DSP: variants seen among roughly 807,000 people sequenced by gnomAD.
The protein encoded by DSP is desmoplakin.
A neutral mutation model predicts 290.6 loss-of-function variants in DSP; 114 were observed. The observed-to-expected ratio is 0.39, with a 90% CI of 0.34 to 0.46. The LOEUF (loss-of-function observed/expected upper bound fraction) is 0.46. DSP is among the 20% of genes least tolerant of loss of function. The probability of loss-of-function intolerance (pLI) is 0.99; values close to 1 mark genes in which losing one functional copy is unlikely to be tolerated. For missense variants in DSP, 3,230 were observed against 3,495.8 expected, an observed-to-expected ratio of 0.92 and a Z score of 1.92; for synonymous variants, 1,311 against 1,316.4, an observed-to-expected ratio of 1.00 and a Z score of 0.09.
In DSP at chr6:7,584,213, G is replaced by C; in HGVS notation, c.6951G>C (p.Lys2317Asn). The C allele has an allele frequency of 6.2e-7, 1 of 1,614,184 alleles. No homozygotes were observed. Among genetic ancestry groups the C allele is most frequent in the Non-Finnish European group, 8.5e-7 (1 of 1,180,034 alleles). ...GGTTACCAGTGGAGGAAGCCTACAAGAGAGGTCTGGTGGGCATTGAGTTCA... is the reference window on the plus strand; with the variant it reads ...GGTTACCAGTGGAGGAAGCCTACAACAGAGGTCTGGTGGGCATTGAGTTCA... ...NLRLPVEEAY[K>N]RGLVGIEFKE... The change falls in exon 24 of 24, where the codon AAG (lysine) becomes AAC (asparagine). Residue 2317 changes from lysine to asparagine, a missense_variant. Physicochemically the swap from Lys to Asn is moderately conservative, Grantham distance 94. Around this residue, in one of 5 missense-constraint regions of DSP, gnomAD observed 207 missense variants for 281.2 expected, o/e 0.74. Coordinates refer to ENST00000379802, the MANE Select transcript of DSP (RefSeq NM_004415.4). The surrounding 1 kb of genome is among the most constrained non-coding windows in gnomAD (Gnocchi z 6.4).
In DSP at chr6:7,559,088, A is replaced by G. The variant is rs1581793676; in HGVS notation, c.423-138A>G. 5 of 968,446 alleles carry G rather than the reference A, an allele frequency of 5.2e-6. No homozygotes were observed. In the East Asian group the frequency reaches 1.3e-4, roughly 26 times the overall value. 60.0% of individuals were successfully genotyped at this position (968,446 alleles called of 1,614,324 possible). ...TTAAGACTTAAGTCCTGGGGTAAAGAAAAAAAAATCTTCAAATACCATAAA... is the reference window on the plus strand; with the variant it reads ...TTAAGACTTAAGTCCTGGGGTAAAGGAAAAAAAATCTTCAAATACCATAAA... On this transcript the variant is annotated intron_variant, in intron 3 of 23. Coordinates refer to ENST00000379802, the MANE Select transcript of DSP (RefSeq NM_004415.4).
rs1168007543 is a variant in DSP at position 7,584,860 on chromosome 6, C to G, written c.7598C>G (p.Ala2533Gly). Reference sequence around the variant, plus strand: ...GGCAGTCAGTATGATATTCAAGATGCTATTGACAAGGGCCTTGTTGACAGG... The same window carrying G: ...GGCAGTCAGTATGATATTCAAGATGGTATTGACAAGGGCCTTGTTGACAGG... Reference protein sequence around the residue: ...KTGSQYDIQDAIDKGLVDRKF... With the variant: ...KTGSQYDIQDGIDKGLVDRKF... Residue 2533 changes from alanine to glycine, a missense_variant, in exon 24 of 24, where the codon GCT becomes GGT. By Grantham distance (60) the Ala-to-Gly change is moderately conservative. Around this residue, in one of 5 missense-constraint regions of DSP, gnomAD observed 582 missense variants for 555.4 expected, o/e 1.05. Coordinates refer to ENST00000379802, the MANE Select transcript of DSP (RefSeq NM_004415.4). This position sits in a 1 kb window ranked among gnomAD's most constrained non-coding sequence, Gnocchi z 6.4. 1.9e-6 allele frequency: 3 copies of G among 1,614,172 alleles called. No individual in the cohort carries two copies. Among genetic ancestry groups the G allele is most frequent in the Non-Finnish European group, 2.5e-6 (3 of 1,180,026 alleles).
intron 1 of DSP, among the ~76,000 whole-genome samples, chr6:7,549,300 C>A (rs934106649): frequency 1.3e-5 from 2 of 152,128 alleles, no homozygotes; most frequent in African/African-American, 4.8e-5. Flanking sequence ...CAGGCATGCG[C>A]CACCACGCCA....
intron 14 of DSP, 111 bp downstream of exon 14, chr6:7,571,695 G>A: frequency 1.3e-6 from 2 of 1,495,904 alleles, no homozygotes; most frequent in East Asian, 2.3e-5. Flanking sequence ...TATATAGCCA[G>A]TGTTCTTCGT....
At chr6:7,564,087 T>G (rs1048958020) in intron 6 of DSP, among the ~76,000 whole-genome samples, 1 of 152,250 alleles carries the variant, frequency 6.6e-6, no homozygotes, top group African/African-American at 2.4e-5. Context: ...CGTGAGCCAC[T>G]GCGCCCGGCC....
At chr6:7,551,738 A>C (rs577844130) in intron 1 of DSP, among the ~76,000 whole-genome samples, 8 of 152,198 alleles carry the variant, frequency 5.3e-5, no homozygotes, top group African/African-American at 1.9e-4. Context: ...GACTGACCCG[A>C]TGGGTCGAAA....
In DSP at chr6:7,580,380, A is replaced by G. The variant is rs749308454; in HGVS notation, c.4190A>G (p.Asn1397Ser). The part of the protein sequence containing the change: ...DTSGYRAQID[N>S]LTRENRSLSE... ...AGTGGCTACCGGGCTCAGATAGACAATCTCACCCGAGAAAACAGGAGCTTA... is the reference window on the plus strand; with the variant it reads ...AGTGGCTACCGGGCTCAGATAGACAGTCTCACCCGAGAAAACAGGAGCTTA... The change falls in exon 23 of 24, where the codon AAT becomes AGT. Residue 1397 changes from asparagine to serine, a missense_variant. Asn to Ser is a conservative substitution (Grantham distance 46). Transcript: ENST00000379802. This position sits in a 1 kb window ranked among gnomAD's most constrained non-coding sequence, Gnocchi z 4.2. 4 of 1,614,144 alleles carry G rather than the reference A, an allele frequency of 2.5e-6. No individual in the cohort carries two copies. The highest frequency in any genetic ancestry group is 2.5e-6 in the Non-Finnish European group (3 of 1,180,022).
intron 1 of DSP, among the ~76,000 whole-genome samples, chr6:7,543,269 T>C (rs1758070899): frequency 6.6e-6 from 1 of 151,978 alleles, no homozygotes; most frequent in South Asian, 2.1e-4. Flanking sequence ...AGGAGCAACC[T>C]GAATGCGCTC....
chr6:7,581,172 T>TCGA lies in DSP; in HGVS notation c.4983_4985dup (p.Val1661_Glu1662insAsp). On this transcript the variant is annotated inframe_insertion, in exon 23 of 24. Coordinates refer to ENST00000379802, the MANE Select transcript of DSP (RefSeq NM_004415.4). The stretch of plus-strand genomic sequence containing the variant: ...GAGCTGAGGAGGCTCTCTTCTGAGG[T>TCGA]CGAGGCCCTGAGGCGGCAGTTACTC... 6.2e-7 allele frequency: 1 copy of TCGA among 1,614,134 alleles called. No individual in the cohort carries two copies. Among genetic ancestry groups the TCGA allele is most frequent in the South Asian group, 1.1e-5 (1 of 91,088 alleles).
In DSP at chr6:7,569,201, G is replaced by A. The variant is rs1288305110; in HGVS notation, c.1435G>A (p.Gly479Arg). ...YKQDQKIVHK[G>R]DECILKDNNE... ...TGCCTTACAGAAAATCGTGCATAAG[G>A]GGGATGAGTGTATCCTGAAGGACAA... Residue 479 changes from glycine to arginine, a missense_variant, in exon 12 of 24, where the codon GGG (glycine) becomes AGG (arginine). By Grantham distance (125) the Gly-to-Arg change is moderately radical. Coordinates refer to ENST00000379802, the MANE Select transcript of DSP (RefSeq NM_004415.4). The A allele has an allele frequency of 6.2e-7, 1 of 1,614,226 alleles. No homozygotes were observed. Among genetic ancestry groups the A allele is most frequent in the Admixed American group, 1.7e-5 (1 of 60,026 alleles).
Position 7,549,974 on chromosome 6 carries a change from CTTGT to C in DSP, c.171-5741_171-5738del, listed in dbSNP as rs1182421495. Among the ~76,000 whole-genome samples, 48 of 152,018 alleles carry C rather than the reference CTTGT, an allele frequency of 3.2e-4. 1 individual carries two copies. On this transcript the variant is annotated intron_variant, in intron 1 of 23. Transcript: ENST00000379802. ...TAATGTCCCTCTTTGAAATATTTGT[CTTGT>C]TTTTTTGTGTTTTTTCTTTATCTTT...
At position 7,549,972 on chromosome 6, in the gene DSP, G is replaced by T. The variant is rs542139846; in HGVS notation, c.171-5746G>T. On this transcript the variant is annotated intron_variant, in intron 1 of 23. Coordinates refer to ENST00000379802, the MANE Select transcript of DSP (RefSeq NM_004415.4). ...TATAATGTCCCTCTTTGAAATATTT[G>T]TCTTGTTTTTTTGTGTTTTTTCTTT... Among the ~76,000 whole-genome samples, 28 of 152,140 alleles carry T rather than the reference G, an allele frequency of 1.8e-4. 2 individuals carry two copies. In the South Asian group the frequency reaches 3.1e-3, roughly 17 times the overall value.
Position 7,571,238 on chromosome 6 carries a change from C to T in DSP, c.1702-145C>T, listed in dbSNP as rs1265924527. On this transcript the variant is annotated intron_variant, in intron 13 of 23. Transcript: ENST00000379802. ...GGCTCTTGGGAACAATGTCTAAAAC[C>T]TAAAAGACCTTTTATATCTTAATGA... 7 of 828,950 alleles carry T rather than the reference C, an allele frequency of 8.4e-6. No homozygotes were observed. The Admixed American group carries it at 9.1e-5, about 11-fold the overall frequency. 51.3% of individuals were successfully genotyped at this position (828,950 alleles called of 1,614,324 possible).
At chr6:7,544,161 G>T (rs2113635007) in intron 1 of DSP, among the ~76,000 whole-genome samples, 1 of 152,298 alleles carries the variant, frequency 6.6e-6, no homozygotes, top group South Asian at 2.1e-4. Context: ...TCTTTCCGGG[G>T]ATCCTGGCAA....
At chr6:7,560,912 T>C (rs943044982) in intron 4 of DSP, among the ~76,000 whole-genome samples, 1 of 152,168 alleles carries the variant, frequency 6.6e-6, no homozygotes, top group African/African-American at 2.4e-5. Context: ...GTCTTTAAAT[T>C]TTGGAAAAGT....
chr6:7,548,386 C>T (rs2237101), intron 1 of DSP, among the ~76,000 whole-genome samples: 16,624 of 152,222 alleles, frequency 0.11, 1,017 homozygotes, highest in African/African-American at 0.16. Context: ...CACCTCAGCC[C>T]CAGGAGGGGG....
chr6:7,569,376 G>C, intron 12 of DSP, 36 bp downstream of exon 12: 2 of 1,614,060 alleles, frequency 1.2e-6, no homozygotes, highest in Non-Finnish European at 1.7e-6. Flanking sequence ...ACGCATGCAC[G>C]CATGAATGTG....
At chr6:7,557,707 G>A (rs1282307881) in intron 2 of DSP, among the ~76,000 whole-genome samples, 3 of 152,042 alleles carry the variant, frequency 2.0e-5, no homozygotes, top group Admixed American at 2.0e-4. Context: ...AATAAAAAAA[G>A]AACTAAAACA....
At chr6:7,568,198 A>G (rs1758921333) in intron 10 of DSP, among the ~76,000 whole-genome samples, 1 of 152,208 alleles carries the variant, frequency 6.6e-6, no homozygotes, top group African/African-American at 2.4e-5. Flanking sequence ...TTTTATCAGC[A>G]TAGCCCTTTC....
Sources: allele counts gnomAD v4.1 joint callset (sites outside exome capture counted in the v4.1 genomes callset), GRCh38; gene constraint gnomAD v4.1.1; regional missense constraint gnomAD v4.1.1; non-coding constraint Gnocchi (gnomAD v3.1); transcripts MANE v1.5; gene names NCBI Gene and HGNC (gene_info 2026-07-23, HGNC 2026-07-21).